The following EEPD1 variants were observed in gnomAD, a reference collection of about 807,000 sequenced individuals.
EEPD1 encodes endonuclease/exonuclease/phosphatase family domain containing 1.
In EEPD1, 17 loss-of-function variants were observed where a neutral mutation model predicts 46.3. The observed-to-expected ratio is 0.37, with a 90% CI of 0.25 to 0.55. The LOEUF (loss-of-function observed/expected upper bound fraction) is 0.55, where lower values mean the gene tolerates loss of function less well. Among genes scored for constraint, EEPD1 ranks in the 20% least tolerant of loss-of-function variants. EEPD1 has a pLI of 0.83. For synonymous variants in EEPD1, 313 were observed against 315.6 expected, an observed-to-expected ratio of 0.99 and a Z score of 0.09; for missense variants, 673 against 745.6, an observed-to-expected ratio of 0.90 and a Z score of 1.13.
At chr7:36,189,310 TTGTC>T (rs1435023722) in intron 2 of EEPD1, among the ~76,000 whole-genome samples, 2 of 152,080 alleles carry the variant, frequency 1.3e-5, no homozygotes, top group Non-Finnish European at 2.9e-5. Context: ...GACAGAACAT[TTGTC>T]TGGTTGAAAA....
chr7:36,166,682 T>G (rs1453571671), intron 2 of EEPD1, among the ~76,000 whole-genome samples: 1 of 152,202 alleles, frequency 6.6e-6, no homozygotes, highest in East Asian at 1.9e-4. Flanking sequence ...AAATACAATA[T>G]TTGCATTCAT....
intron 4 of EEPD1, among the ~76,000 whole-genome samples, chr7:36,283,732 C>T (rs189011207): frequency 6.6e-6 from 1 of 152,328 alleles, no homozygotes; most frequent in East Asian, 1.9e-4. Context: ...CCTAAAAACA[C>T]GCATGTTCAG....
chr7:36,195,025 A>G (rs1052275661), intron 2 of EEPD1, among the ~76,000 whole-genome samples: 4 of 152,142 alleles, frequency 2.6e-5, no homozygotes, highest in African/African-American at 7.2e-5. Context: ...TCTTGGATCC[A>G]CATCCTCTTT....
chr7:36,192,091 C>T (rs1466262701), intron 2 of EEPD1, among the ~76,000 whole-genome samples: 2 of 152,290 alleles, frequency 1.3e-5, no homozygotes, highest in South Asian at 2.1e-4. Flanking sequence ...AGGCCTGAGT[C>T]GAATTTAAAA....
chr7:36,238,765 A>G (rs1786502173), intron 2 of EEPD1, among the ~76,000 whole-genome samples: 1 of 151,812 alleles, frequency 6.6e-6, no homozygotes. Context: ...TAAAAGTGAA[A>G]TTGCTGGATC....
chr7:36,288,329 A>G (rs998532878), intron 6 of EEPD1, among the ~76,000 whole-genome samples: 1 of 152,114 alleles, frequency 6.6e-6, no homozygotes, highest in African/African-American at 2.4e-5. Flanking sequence ...CCCCCATCTG[A>G]TGGGGGACAG....
chr7:36,239,053 T>C lies in EEPD1; in HGVS notation c.930+17T>C, dbSNP rs1786507856. On this transcript the variant is annotated intron_variant, in intron 3 of 7. Transcript: ENST00000242108. ...TTGGAAAAGGTAAATATTTTACTCT[T>C]CCTTCCACATTCACAAACCAAGAAC... 1.2e-6 allele frequency: 2 copies of C among 1,611,134 alleles called. No individual in the cohort carries two copies. The highest frequency in any genetic ancestry group is 1.7e-6 in the Non-Finnish European group (2 of 1,179,342).
intron 2 of EEPD1, among the ~76,000 whole-genome samples, chr7:36,168,366 G>C: frequency 6.6e-6 from 1 of 152,180 alleles, no homozygotes; most frequent in East Asian, 1.9e-4. Flanking sequence ...ATGAAGTGAC[G>C]TACTTGGTGA....
intron 3 of EEPD1, among the ~76,000 whole-genome samples, chr7:36,276,263 G>A (rs1480198578): frequency 6.6e-6 from 1 of 152,176 alleles, no homozygotes; most frequent in African/African-American, 2.4e-5. Flanking sequence ...AACCAAGATG[G>A]CAATGAAAGT....
intron 3 of EEPD1, among the ~76,000 whole-genome samples, chr7:36,240,699 C>A (rs948255655): frequency 2.0e-5 from 3 of 152,146 alleles, no homozygotes; most frequent in Admixed American, 2.0e-4. Context: ...TGATAATTGG[C>A]TTGTGATCAT....
intron 2 of EEPD1, among the ~76,000 whole-genome samples, chr7:36,202,431 A>G (rs557557273): frequency 1.8e-4 from 27 of 152,204 alleles, no homozygotes; most frequent in Admixed American, 1.6e-3. Context: ...GGGGTGAAGC[A>G]TGCCTGGGGC....
chr7:36,285,963 G>T (rs532786291), intron 5 of EEPD1, among the ~76,000 whole-genome samples: 3 of 152,248 alleles, frequency 2.0e-5, no homozygotes, highest in East Asian at 3.9e-4. Context: ...GTACACCTGG[G>T]GGTGTCCATG....
rs541742967 is a variant in EEPD1, at chr7:36,206,438, G to C, written c.879-32547G>C. Among the ~76,000 whole-genome samples the C allele has an allele frequency of 2.0e-5, 3 of 152,104 alleles. No individual in the cohort carries two copies. The South Asian group carries it at 6.2e-4, about 32-fold the overall frequency. ...AGGAAATGTTTTACATTCTTTTTGT[G>C]TACTCTTCAACATCTCAACTCAGAT... On this transcript the variant is annotated intron_variant, in intron 2 of 7. Coordinates refer to ENST00000242108, the MANE Select transcript of EEPD1 (RefSeq NM_030636.3).
intron 6 of EEPD1, among the ~76,000 whole-genome samples, chr7:36,292,336 A>T (rs1422113274): frequency 6.6e-6 from 1 of 151,654 alleles, no homozygotes; most frequent in African/African-American, 2.4e-5. Context: ...GCCGAGAACC[A>T]CTGTTTTCTT....
rs1278994255 is a variant in EEPD1, at chr7:36,287,627, C to A, written c.1177-12C>A. The A allele has an allele frequency of 6.2e-7, 1 of 1,611,240 alleles. No individual in the cohort carries two copies. The highest frequency in any genetic ancestry group is 1.3e-5 in the African/African-American group (1 of 74,784). On this transcript the variant is annotated splice_polypyrimidine_tract_variant and intron_variant, in intron 5 of 7. Coordinates refer to ENST00000242108, the MANE Select transcript of EEPD1 (RefSeq NM_030636.3). Reference sequence around the variant, plus strand: ...TGAGCCTCTCCCTGTTGCTTTGTTTCCTGCTGCCTAGGTGGGAAGTCACGA... The same window carrying A: ...TGAGCCTCTCCCTGTTGCTTTGTTTACTGCTGCCTAGGTGGGAAGTCACGA...
intron 6 of EEPD1, among the ~76,000 whole-genome samples, chr7:36,288,311 A>G (rs1787371555): frequency 6.6e-6 from 1 of 152,066 alleles, no homozygotes; most frequent in South Asian, 2.1e-4. Flanking sequence ...CCACCAAACC[A>G]CTTCAGGCCC....
At chr7:36,231,233 C>G (rs1335702127) in intron 2 of EEPD1, 1 of 152,410 alleles carries the variant, frequency 6.6e-6, no homozygotes, top group East Asian at 1.9e-4. Flanking sequence ...CTGCCTGGCA[C>G]TTTCCCCATC....
intron 2 of EEPD1, among the ~76,000 whole-genome samples, chr7:36,171,941 A>G (rs1356455591): frequency 6.6e-6 from 1 of 152,232 alleles, no homozygotes; most frequent in African/African-American, 2.4e-5. Flanking sequence ...TTTGATGTCC[A>G]GGAGGGGACT....
chr7:36,176,760 C>T (rs1340656875), intron 2 of EEPD1, among the ~76,000 whole-genome samples: 10 of 152,052 alleles, frequency 6.6e-5, no homozygotes, highest in African/African-American at 2.4e-4. Flanking sequence ...AAATACGATC[C>T]TAGATAAACC....
Sources: allele counts gnomAD v4.1 joint callset (sites outside exome capture counted in the v4.1 genomes callset), GRCh38; gene constraint gnomAD v4.1.1; transcripts MANE v1.5; gene names NCBI Gene and HGNC (gene_info 2026-07-23, HGNC 2026-07-21).